The following HERC2 variants were observed in gnomAD, a reference collection of about 807,000 sequenced individuals.
HERC2 encodes the protein HECT and RLD domain containing E3 ubiquitin protein ligase 2.
Under a neutral mutation model 537.7 loss-of-function variants are expected in HERC2, and 102 were observed. That is an observed-to-expected ratio of 0.19 (90% CI 0.16 to 0.22). HERC2 has a LOEUF of 0.22. HERC2 is among the 10% of genes least tolerant of loss of function. The pLI is 1.00. For missense variants in HERC2, 4,236 were observed against 6,198.2 expected (o/e 0.68, Z 10.63); for synonymous variants, 2,224 against 2,466.2 (o/e 0.90, Z 2.91).
intron 35 of HERC2, among the ~76,000 whole-genome samples, chr15:28,227,425 CCACTT>C (rs1181833823): frequency 1.3e-5 from 2 of 150,848 alleles, no homozygotes; most frequent in Non-Finnish European, 3.0e-5. Context: ...CAATGAGACA[CCACTT>C]CACACCCACT....
At chr15:28,123,672 T>G (rs1039713964) in intron 85 of HERC2, among the ~76,000 whole-genome samples, 7 of 152,182 alleles carry the variant, frequency 4.6e-5, no homozygotes, top group Non-Finnish European at 1.0e-4. Flanking sequence ...CCGGCCTTCC[T>G]GTGTCAGTGG....
intron 38 of HERC2, 45 bp downstream of exon 38, chr15:28,218,444 G>A (rs749405531): frequency 6.6e-7 from 1 of 1,512,908 alleles, no homozygotes; most frequent in Admixed American, 1.7e-5. Flanking sequence ...CAAGCGTGCG[G>A]CCCCCAGCGC....
intron 35 of HERC2, among the ~76,000 whole-genome samples, chr15:28,224,149 C>CACACACACACACA (rs1321759830): frequency 0.054 from 7,220 of 132,924 alleles, 249 homozygotes; most frequent in African/African-American, 0.064. Flanking sequence ...ACACACACAC[C>CACACACACACACA]CACACACACA....
At chr15:28,258,443 G>A (rs2075327290) in intron 16 of HERC2, among the ~76,000 whole-genome samples, 1 of 152,018 alleles carries the variant, frequency 6.6e-6, no homozygotes, top group Admixed American at 6.6e-5. Flanking sequence ...TTGCACTCCG[G>A]CCTGGGCAAT....
At chr15:28,128,229 T>C (rs1353790524) in intron 83 of HERC2, among the ~76,000 whole-genome samples, 1 of 152,190 alleles carries the variant, frequency 6.6e-6, no homozygotes, top group Non-Finnish European at 1.5e-5. Context: ...AGGGTACAGC[T>C]TGCCAGCTGA....
chr15:28,298,056 T>C (rs1420124305), intron 3 of HERC2, among the ~76,000 whole-genome samples: 1 of 150,428 alleles, frequency 6.6e-6, no homozygotes, highest in Non-Finnish European at 1.5e-5. Context: ...TTCAAACAAA[T>C]ATAAAAAATA....
chr15:28,214,889 T>G, intron 39 of HERC2, 87 bp from the exon 40 acceptor site: 3 of 1,196,036 alleles, frequency 2.5e-6, no homozygotes, highest in Non-Finnish European at 2.3e-6. Context: ...TTTTATTTTT[T>G]TGAGACAGAG....
chr15:28,254,288 C>CAAA, intron 20 of HERC2, 52 bp downstream of exon 20: 1 of 1,333,562 alleles, frequency 7.5e-7, no homozygotes, highest in Non-Finnish European at 1.0e-6. Context: ...GTCACACACA[C>CAAA]AAAAAAAAGT....
intron 86 of HERC2, chr15:28,117,612 GA>G: frequency 2.2e-6 from 1 of 454,274 alleles, no homozygotes; most frequent in Non-Finnish European, 4.4e-6. Flanking sequence ...GGCACTCAAA[GA>G]TTCAACCCAA....
intron 3 of HERC2, among the ~76,000 whole-genome samples, chr15:28,295,641 G>A (rs1283996924): frequency 1.3e-5 from 2 of 151,998 alleles, no homozygotes; most frequent in South Asian, 2.1e-4. Flanking sequence ...CAGGTGATCC[G>A]CCTGCCTCGG....
chr15:28,288,619 G>A (rs1356949395), intron 4 of HERC2, among the ~76,000 whole-genome samples: 9 of 150,888 alleles, frequency 6.0e-5, no homozygotes, highest in South Asian at 2.1e-4. Flanking sequence ...GCTGAGGCAC[G>A]TGGATCACCT....
At chr15:28,169,858 T>C (rs1037955754) in intron 65 of HERC2, among the ~76,000 whole-genome samples, 14 of 152,388 alleles carry the variant, frequency 9.2e-5, no homozygotes, top group African/African-American at 2.9e-4. Flanking sequence ...ATTTTCAGCA[T>C]AGTTCCACTG....
intron 92 of HERC2, 144 bp downstream of exon 92, chr15:28,112,927 G>C (rs1887804357): frequency 1.5e-6 from 1 of 671,242 alleles, no homozygotes; most frequent in South Asian, 1.9e-5. Context: ...CTTCACATCA[G>C]AGAAGTTCGA....
chr15:28,285,670 T>C lies in HERC2; in HGVS notation c.323-5383A>G, dbSNP rs563705405. 2.5e-4 allele frequency among the ~76,000 whole-genome samples: 38 copies of C among 151,092 alleles called. 1 individual carries two copies. In the South Asian group the frequency reaches 7.6e-3, roughly 30 times the overall value. ...AAAAATAGCAAAATCAACCCAAAAG[T>C]AAGCAGAAAAGAAGAAATAATTAAG... is the stretch of plus-strand genomic sequence containing the variant. On this transcript the variant is annotated intron_variant, in intron 4 of 92. Transcript: ENST00000261609.
chr15:28,281,397 T>G, intron 4 of HERC2, among the ~76,000 whole-genome samples: 1 of 152,192 alleles, frequency 6.6e-6, no homozygotes, highest in East Asian at 1.9e-4. Flanking sequence ...TGGTCTCTTT[T>G]GTGCTTGCCT....
rs566182373 is a variant in HERC2, at chr15:28,186,661, C to T, written c.8741G>A (p.Arg2914His). ...IHGLILLGRI[R>H]AEEEDLAAVP... ...TGCAGCCAAATCTTCCTCTTCTGCA[C>T]GGATCCGTCCCAGCAGGATGAGACC... The change falls in exon 56 of 93, where the codon CGT (arginine) becomes CAT (histidine). Residue 2914 changes from arginine (R) to histidine (H), a missense_variant. This residue lies in a region of HERC2 where 606 missense variants were observed against 884.5 expected (regional missense o/e 0.69). Coordinates refer to ENST00000261609, the MANE Select transcript of HERC2 (RefSeq NM_004667.6). 5.3e-5 allele frequency: 85 copies of T among 1,613,894 alleles called. No homozygotes were observed. Among genetic ancestry groups the T allele is most frequent in the Middle Eastern group, 3.3e-4 (2 of 6,084 alleles).
In HERC2 at chr15:28,248,409, T is replaced by A; in HGVS notation, c.3235+143A>T. ...TATAGAAAGGTCCAACTCAAAAAAG[T>A]GGATGCAAAATGAAGCCCCAAAATT... On this transcript the variant is annotated intron_variant, in intron 21 of 92. Coordinates refer to ENST00000261609, the MANE Select transcript of HERC2 (RefSeq NM_004667.6). 3 of 583,566 alleles carry A rather than the reference T, an allele frequency of 5.1e-6. No homozygotes were observed. The South Asian group carries it at 7.5e-5, about 15-fold the overall frequency. 36.1% of individuals were successfully genotyped at this position (583,566 alleles called of 1,614,324 possible).
intron 86 of HERC2, among the ~76,000 whole-genome samples, chr15:28,120,290 C>T (rs747541727): frequency 1.3e-5 from 2 of 152,202 alleles, no homozygotes; most frequent in Non-Finnish European, 2.9e-5. Context: ...CAACAAAGGA[C>T]AAGAGTTTCG....
Position 28,132,808 on chromosome 15 carries a change from T to C in HERC2, c.12253A>G (p.Ile4085Val). Residue 4085 changes from isoleucine to valine, a missense_variant, in exon 80 of 93, where the codon ATC (isoleucine) becomes GTC (valine). Transcript: ENST00000261609. Reference sequence around the variant, plus strand: ...ACTTCAATTCCTCTCAGAGACTCGATGACACGAGGGCGGTCACACGGACTG... The same window carrying C: ...ACTTCAATTCCTCTCAGAGACTCGACGACACGAGGGCGGTCACACGGACTG... ...NRSPCDRPRV[I>V]ESLRGIEVVD... 1 of 1,585,410 alleles carries C rather than the reference T, an allele frequency of 6.3e-7. No homozygotes were observed. The highest frequency in any genetic ancestry group is 8.6e-7 in the Non-Finnish European group (1 of 1,166,228).
Sources: gnomAD v4.1 joint callset for allele counts (sites outside exome capture counted in the v4.1 genomes callset) on GRCh38, gnomAD v4.1.1 for gene constraint, gnomAD v4.1.1 regional missense constraint, MANE v1.5 for transcripts, NCBI Gene and HGNC (gene_info 2026-07-23, HGNC 2026-07-21) for gene names.